The following CASP10 variants were observed in gnomAD, a reference collection of about 807,000 sequenced individuals.
The protein encoded by CASP10 is caspase 10.
Under a neutral mutation model 48.5 loss-of-function variants are expected in CASP10, and 41 were observed. That is an observed-to-expected ratio of 0.85 (90% CI 0.66 to 1.10). The LOEUF (loss-of-function observed/expected upper bound fraction) is 1.10. Ranked by LOEUF, CASP10 falls within the 50% of genes least tolerant of loss-of-function variation. The probability of loss-of-function intolerance (pLI) is 0.00; values close to 1 mark genes in which losing one functional copy is unlikely to be tolerated. For synonymous variants in CASP10, 232 were observed against 238.4 expected, an observed-to-expected ratio of 0.97 and a Z score of 0.25; for missense variants, 614 against 614.5, an observed-to-expected ratio of 1.00 and a Z score of 0.01.
downstream of CASP10, among the ~76,000 whole-genome samples, chr2:201,224,488 G>T (rs940392740): frequency 1.3e-5 from 2 of 151,952 alleles, no homozygotes; most frequent in South Asian, 4.2e-4. Context: ...TTTTGAGTAG[G>T]TAATATTTTT....
At chr2:201,203,624 G>A in intron 5 of CASP10, 106 bp from the exon 6 acceptor site, 1 of 1,029,944 alleles carries the variant, frequency 9.7e-7, no homozygotes, top group Non-Finnish European at 1.5e-6. Context: ...CTTTTCTGTG[G>A]CTGTGGATTA....
At chr2:201,184,635 TTA>T (rs1299561479) in intron 1 of CASP10, among the ~76,000 whole-genome samples, 1 of 152,226 alleles carries the variant, frequency 6.6e-6, no homozygotes, top group Non-Finnish European at 1.5e-5. Flanking sequence ...GTTCCTTCCT[TTA>T]TAAAGTATTT....
intron 5 of CASP10, among the ~76,000 whole-genome samples, chr2:201,196,682 A>T (rs576365519): frequency 8.8e-4 from 134 of 152,366 alleles, no homozygotes; most frequent in African/African-American, 3.1e-3. Flanking sequence ...TAAAATACAC[A>T]TAACAAAATT....
At chr2:201,200,617 C>T (rs546918340) in intron 5 of CASP10, 16 of 1,474,394 alleles carry the variant, frequency 1.1e-5, no homozygotes, top group East Asian at 7.3e-5. Context: ...GAACCTCATT[C>T]GGCAGGTGGA....
intron 2 of CASP10, among the ~76,000 whole-genome samples, chr2:201,187,470 G>A (rs1944454042): frequency 1.3e-5 from 2 of 151,838 alleles, no homozygotes; most frequent in Non-Finnish European, 2.9e-5. Flanking sequence ...GTGAAAAACA[G>A]CATTAGACTT....
intron 4 of CASP10, among the ~76,000 whole-genome samples, chr2:201,194,056 G>A (rs1379904161): frequency 6.6e-6 from 1 of 151,728 alleles, no homozygotes; most frequent in Non-Finnish European, 1.5e-5. Context: ...CACATTCTCA[G>A]AAACTACTAT....
At chr2:201,225,049 C>T (rs866514104), downstream of CASP10, among the ~76,000 whole-genome samples, 5 of 152,152 alleles carry the variant, frequency 3.3e-5, no homozygotes, top group Admixed American at 6.6e-5. Flanking sequence ...CTTTCACTCA[C>T]GTTTCAATTC....
rs1052572966 is a variant in CASP10 at position 201,196,101 on chromosome 2, A to T, written c.684+153A>T. The T allele has an allele frequency of 1.5e-5, 9 of 618,864 alleles. No individual in the cohort carries two copies. In the African/African-American group the frequency reaches 1.6e-4, roughly 11 times the overall value. 38.3% of individuals were successfully genotyped at this position (618,864 alleles called of 1,614,324 possible). The stretch of plus-strand genomic sequence containing the variant: ...ACCATGGTGATTGCAAGTAAACAAC[A>T]TGATATCAACCAGAGTGCACATTTT... On this transcript the variant is annotated intron_variant, in intron 5 of 9. Transcript: ENST00000286186.
At position 201,193,895 on chromosome 2, in the gene CASP10, C is replaced by G. The variant is rs1340835516; in HGVS notation, c.577+776C>G. Reference sequence around the variant, plus strand: ...CTTTTCTATGTGTCACTTTCCCTATCTGTAAAGTGGGCATAATAATTGTAC... The same window carrying G: ...CTTTTCTATGTGTCACTTTCCCTATGTGTAAAGTGGGCATAATAATTGTAC... On this transcript the variant is annotated intron_variant, in intron 4 of 9. Transcript: ENST00000286186. Among the ~76,000 whole-genome samples, 3 of 152,102 alleles carry G rather than the reference C, an allele frequency of 2.0e-5. 1 individual carries two copies. Among genetic ancestry groups the G allele is most frequent in the African/African-American group, 7.2e-5 (3 of 41,402 alleles).
chr2:201,200,609 A>G lies in CASP10; in HGVS notation c.685-3121A>G, dbSNP rs13432040. ...GGCCTGCTCTTCGGCTCTGCCCTGAACCTCATTCGGCAGGTGGAGGTATTT... is the reference window on the plus strand; with the variant it reads ...GGCCTGCTCTTCGGCTCTGCCCTGAGCCTCATTCGGCAGGTGGAGGTATTT... On this transcript the variant is annotated intron_variant, in intron 5 of 9. Coordinates refer to ENST00000286186, the MANE Select transcript of CASP10 (RefSeq NM_032977.4). 0.012 allele frequency: 17,556 copies of G among 1,497,478 alleles called. 1,735 individuals carry two copies. In the African/African-American group the frequency reaches 0.22, roughly 18 times the overall value. 92.8% of individuals were successfully genotyped at this position (1,497,478 alleles called of 1,614,324 possible). A position where few individuals can be genotyped will look rare whatever the true frequency, so the allele number is the denominator to read the frequency against.
intron 3 of CASP10, among the ~76,000 whole-genome samples, chr2:201,192,776 A>G (rs1559297016): frequency 6.6e-6 from 1 of 152,164 alleles, no homozygotes; most frequent in Non-Finnish European, 1.5e-5. Flanking sequence ...AGAGTTATAT[A>G]TATATTTGGT....
rs1945708607 is a variant in CASP10, at chr2:201,221,086, G to A, written c.*3345G>A. On this transcript the variant is annotated 3_prime_UTR_variant, in exon 10 of 10. Coordinates refer to ENST00000286186, the MANE Select transcript of CASP10 (RefSeq NM_032977.4). ...CATATAAATGCCTTTAGGTGGTAGG[G>A]TCTTCCGGTTGTAACTGCAACAGAA... 1.0e-6 allele frequency: 1 copy of A among 985,296 alleles called. No individual in the cohort carries two copies. 61.0% of individuals were successfully genotyped at this position (985,296 alleles called of 1,614,324 possible).
chr2:201,205,228 CT>C lies in CASP10; in HGVS notation c.722-640del, dbSNP rs35121141. 4.1e-3 allele frequency among the ~76,000 whole-genome samples: 562 copies of C among 138,702 alleles called. 2 individuals carry two copies. Among genetic ancestry groups the C allele is most frequent in the African/African-American group, 8.5e-3 (318 of 37,512 alleles). 91.0% of individuals were successfully genotyped at this position (138,702 alleles called of 152,430 possible). A position where few individuals can be genotyped will look rare whatever the true frequency, so the allele number is the denominator to read the frequency against. The stretch of plus-strand genomic sequence containing the variant: ...CCTCTTTTTTCTTTTCTTTTCTTTT[CT>C]TTTTTTTTTTTTTGAGACAGGGCCT... On this transcript the variant is annotated intron_variant, in intron 6 of 9. Coordinates refer to ENST00000286186, the MANE Select transcript of CASP10 (RefSeq NM_032977.4).
chr2:201,217,822 T>A lies in CASP10; in HGVS notation c.*81T>A. 6.2e-7 allele frequency: 1 copy of A among 1,612,566 alleles called. No homozygotes were observed. The highest frequency in any genetic ancestry group is 8.5e-7 in the Non-Finnish European group (1 of 1,179,152). On this transcript the variant is annotated 3_prime_UTR_variant, in exon 10 of 10. Transcript: ENST00000286186. The stretch of plus-strand genomic sequence containing the variant: ...GCCTCCTGCCCAGCACAGGAATCGG[T>A]GGTCTCCACCTGTCATTCTAGAAAC...
downstream of CASP10, among the ~76,000 whole-genome samples, chr2:201,225,798 C>A (rs1945780662): frequency 6.6e-6 from 1 of 152,136 alleles, no homozygotes; most frequent in Non-Finnish European, 1.5e-5. Context: ...TTGGTGAAAC[C>A]TGTCTGTACT....
At chr2:201,201,262 T>G (rs376899760) in intron 5 of CASP10, among the ~76,000 whole-genome samples, 2 of 151,812 alleles carry the variant, frequency 1.3e-5, no homozygotes, top group African/African-American at 2.4e-5. Flanking sequence ...CATGTTGACT[T>G]AAGGTGATCC....
rs1381365726 is a variant in CASP10, at chr2:201,209,405, G to A, written c.1258G>A (p.Glu420Lys). Residue 420 changes from glutamate to lysine, a missense_variant, in exon 9 of 10, where the codon GAG becomes AAG. Glu to Lys is a moderately conservative substitution (Grantham distance 56). Coordinates refer to ENST00000286186, the MANE Select transcript of CASP10 (RefSeq NM_032977.4). ...VSIEADALNP[E>K]QAPTSLQDSI... ...CATCGAAGCAGATGCTCTGAACCCT[G>A]AGCAGGCACCCACTTCCCTGCAGGA... 6.2e-7 allele frequency: 1 copy of A among 1,614,148 alleles called. No individual in the cohort carries two copies. The highest frequency in any genetic ancestry group is 1.7e-5 in the Admixed American group (1 of 60,018).
Position 201,219,927 on chromosome 2 carries a change from G to A in CASP10, c.*2186G>A. On this transcript the variant is annotated 3_prime_UTR_variant, in exon 10 of 10. Coordinates refer to ENST00000286186, the MANE Select transcript of CASP10 (RefSeq NM_032977.4). ...TCAGCCAGGTGAACTGGAATGCCTT[G>A]GGGCGTGGAAGGGCATTAGGAGTGT... is the stretch of plus-strand genomic sequence containing the variant. The A allele has an allele frequency of 1.0e-6, 1 of 985,252 alleles. No homozygotes were observed. Among genetic ancestry groups the A allele is most frequent in the South Asian group, 4.7e-5 (1 of 21,274 alleles). The allele number at this position is 985,252 out of a possible 1,614,324, so 61.0% of individuals were successfully genotyped here.
chr2:201,200,594 T>C lies in CASP10; in HGVS notation c.685-3136T>C, dbSNP rs1416370207. On this transcript the variant is annotated intron_variant, in intron 5 of 9. Transcript: ENST00000286186. ...CACAGAGCCGGGAGAGGCCTGCTCTTCGGCTCTGCCCTGAACCTCATTCGG... is the reference window on the plus strand; with the variant it reads ...CACAGAGCCGGGAGAGGCCTGCTCTCCGGCTCTGCCCTGAACCTCATTCGG... The C allele has an allele frequency of 4.4e-5, 69 of 1,556,486 alleles. 2 individuals carry two copies. The highest frequency in any genetic ancestry group is 4.4e-4 in the South Asian group (38 of 86,704).
Sources: gnomAD v4.1 joint callset for allele counts (sites outside exome capture counted in the v4.1 genomes callset) on GRCh38, gnomAD v4.1.1 for gene constraint, MANE v1.5 for transcripts, NCBI Gene and HGNC (gene_info 2026-07-23, HGNC 2026-07-21) for gene names.